Variants in CD1B observed in about 807,000 individuals in gnomAD.
CD1B encodes the protein CD1b molecule.
In CD1B, 43 loss-of-function variants were observed where a neutral mutation model predicts 39.8. That is an observed-to-expected ratio of 1.08 (90% CI 0.85 to 1.39). CD1B has a LOEUF of 1.39. Among genes scored for constraint, CD1B ranks in the 40% most tolerant of loss-of-function variants. The pLI is 0.00. For missense variants in CD1B, 495 were observed against 403.8 expected, an observed-to-expected ratio of 1.23 and a Z score of -1.94; for synonymous variants, 192 against 152.5, an observed-to-expected ratio of 1.26 and a Z score of -1.91.
chr1:158,305,284 A>C, the CD1B span, among the ~76,000 whole-genome samples: 1 of 152,204 alleles, frequency 6.6e-6, no homozygotes, highest in African/African-American at 2.4e-5. Flanking sequence ...GAACTACATG[A>C]TGAATAACAA....
chr1:158,310,129 A>G, the CD1B span, among the ~76,000 whole-genome samples: 1 of 152,144 alleles, frequency 6.6e-6, no homozygotes, highest in African/African-American at 2.4e-5. Flanking sequence ...ACACATAGAT[A>G]AATGAACAGG....
At chr1:158,291,393 C>T in the CD1B span, 13 of 1,613,110 alleles carry the variant, frequency 8.1e-6, no homozygotes, top group African/African-American at 9.3e-5. Flanking sequence ...GTCAAGATTA[C>T]TCGAAATGTA....
the CD1B span, among the ~76,000 whole-genome samples, chr1:158,303,320 C>T: frequency 1.1e-4 from 17 of 152,244 alleles, no homozygotes; most frequent in South Asian, 3.3e-3. Context: ...CCACAGCCAA[C>T]AACGTACTGA....
At chr1:158,299,126 T>A in the CD1B span, among the ~76,000 whole-genome samples, 1 of 152,216 alleles carries the variant, frequency 6.6e-6, no homozygotes, top group Admixed American at 6.5e-5. Flanking sequence ...GTTTTGCCCA[T>A]TCAGTATGAT....
chr1:158,303,542 G>T, the CD1B span, among the ~76,000 whole-genome samples: 4 of 152,030 alleles, frequency 2.6e-5, no homozygotes, highest in East Asian at 7.7e-4. Flanking sequence ...CTGTGCAAAG[G>T]GTTCTAAATC....
Position 158,330,089 on chromosome 1 carries a change from A to G in CD1B, c.370T>C (p.Ser124Pro), listed in dbSNP as rs899072260. The stretch of plus-strand genomic sequence containing the variant: ...AGGAAGCTTACTATGGCACCTCCAG[A>G]ATGTAGCTCACAGCCTGCTATGCCC... ...IQGIAGCELH[S>P]GGAIVSFLRG... Residue 124 changes from serine (S) to proline (P), a missense_variant, in exon 3 of 6, where the codon TCT becomes CCT. Ser to Pro is a moderately conservative substitution (Grantham distance 74, BLOSUM62 -1). Transcript: ENST00000368168. 6.2e-6 allele frequency: 10 copies of G among 1,613,768 alleles called. No individual in the cohort carries two copies. The highest frequency in any genetic ancestry group is 8.5e-6 in the Non-Finnish European group (10 of 1,179,844).
chr1:158,330,603 C>T (rs1477938033), intron 2 of CD1B, 193 bp downstream of exon 2: 4 of 723,848 alleles, frequency 5.5e-6, no homozygotes, highest in Admixed American at 2.0e-5. Context: ...GAGAAGAGTG[C>T]AGAGGCAGCA....
the CD1B span, among the ~76,000 whole-genome samples, chr1:158,316,734 C>T: frequency 1.3e-5 from 2 of 151,332 alleles, no homozygotes; most frequent in South Asian, 2.1e-4. Context: ...TTGTCTTGTG[C>T]CAGTTTTCAA....
chr1:158,311,783 TTTG>T, the CD1B span, among the ~76,000 whole-genome samples: 23 of 152,220 alleles, frequency 1.5e-4, no homozygotes, highest in African/African-American at 5.3e-4. Context: ...TCTTGGCACT[TTTG>T]TTAAAAATAG....
downstream of CD1B, among the ~76,000 whole-genome samples, chr1:158,326,686 C>A (rs1469286375): frequency 6.6e-6 from 1 of 152,092 alleles, no homozygotes; most frequent in Non-Finnish European, 1.5e-5. Context: ...TGAAATGATA[C>A]AATATCTAAA....
chr1:158,316,141 G>T, the CD1B span, among the ~76,000 whole-genome samples: 9 of 152,010 alleles, frequency 5.9e-5, no homozygotes, highest in African/African-American at 2.2e-4. Context: ...GGCAATGCGG[G>T]CTCTTTTTTG....
At chr1:158,309,173 A>G in the CD1B span, among the ~76,000 whole-genome samples, 1 of 152,238 alleles carries the variant, frequency 6.6e-6, no homozygotes, top group Non-Finnish European at 1.5e-5. Flanking sequence ...TGGGCAAAGG[A>G]TATGAACAGA....
the CD1B span, among the ~76,000 whole-genome samples, chr1:158,313,795 C>T: frequency 6.6e-6 from 1 of 152,114 alleles, no homozygotes. Context: ...TCATCAGCTC[C>T]TGTGCTTTCT....
At chr1:158,313,217 G>T in the CD1B span, among the ~76,000 whole-genome samples, 5 of 152,146 alleles carry the variant, frequency 3.3e-5, no homozygotes, top group Non-Finnish European at 2.9e-5. Context: ...TTAAAGGCTG[G>T]TCTTTTAAGT....
At chr1:158,290,812 C>T in the CD1B span, among the ~76,000 whole-genome samples, 2 of 152,088 alleles carry the variant, frequency 1.3e-5, no homozygotes, top group Non-Finnish European at 2.9e-5. Context: ...TTCTCCTCCC[C>T]GGTGGTGACA....
At chr1:158,326,148 A>G (rs1488072044), downstream of CD1B, among the ~76,000 whole-genome samples, 1 of 151,610 alleles carries the variant, frequency 6.6e-6, no homozygotes, top group African/African-American at 2.4e-5. Flanking sequence ...TTTTTTTTGT[A>G]GTTTTAGTAG....
chr1:158,326,564 A>T (rs1049242472), downstream of CD1B, among the ~76,000 whole-genome samples: 2 of 152,158 alleles, frequency 1.3e-5, no homozygotes, highest in South Asian at 4.1e-4. Context: ...CTGAACAACT[A>T]TATATTTAAT....
At chr1:158,315,775 G>GT in the CD1B span, among the ~76,000 whole-genome samples, 4 of 152,042 alleles carry the variant, frequency 2.6e-5, no homozygotes, top group Non-Finnish European at 5.9e-5. Flanking sequence ...TTCTTGTAGG[G>GT]TTTTTATGGT....
chr1:158,318,630 G>A, the CD1B span, among the ~76,000 whole-genome samples: 228 of 152,252 alleles, frequency 1.5e-3, 1 homozygote, highest in African/African-American at 4.9e-3. Flanking sequence ...TTGCCAGTCT[G>A]TGTCTTCTAA....
Sources: gnomAD v4.1 joint callset for allele counts (sites outside exome capture counted in the v4.1 genomes callset) on GRCh38, gnomAD v4.1.1 for gene constraint, MANE v1.5 for transcripts, NCBI Gene and HGNC (gene_info 2026-07-23, HGNC 2026-07-21) for gene names.